The following TENM2 variants were observed in gnomAD, a reference collection of about 807,000 sequenced individuals.
TENM2 encodes the protein teneurin transmembrane protein 2.
TENM2 carries 52 observed loss-of-function variants against 245.2 expected under a neutral mutation model. The ratio of observed to expected loss-of-function variants is 0.21; its 90% CI spans 0.17 to 0.27. TENM2 has a LOEUF of 0.27. Among genes scored for constraint, TENM2 ranks in the 10% least tolerant of loss-of-function variants. The pLI is 1.00. For missense variants in TENM2, 3,046 were observed against 3,666.8 expected (o/e 0.83, Z 4.37); for synonymous variants, 1,363 against 1,438.9 (o/e 0.95, Z 1.19).
intron 6 of TENM2, among the ~76,000 whole-genome samples, chr5:168,053,881 G>C (rs953070205): frequency 2.0e-5 from 3 of 152,158 alleles, no homozygotes; most frequent in African/African-American, 7.2e-5. Flanking sequence ...CCAGTAAAAA[G>C]CTGGGTGACC....
intron 5 of TENM2, among the ~76,000 whole-genome samples, chr5:168,021,505 G>A (rs985866254): frequency 6.6e-6 from 1 of 152,136 alleles, no homozygotes; most frequent in African/African-American, 2.4e-5. Flanking sequence ...TGCGTGTTTG[G>A]AGTTTTTGCT....
chr5:167,828,553 A>G (rs1254926610), intron 2 of TENM2, among the ~76,000 whole-genome samples: 1 of 152,168 alleles, frequency 6.6e-6, no homozygotes, highest in East Asian at 1.9e-4. Context: ...ATCCTGAATA[A>G]ATATTTGTTT....
At chr5:168,052,820 GA>G (rs562295567) in intron 6 of TENM2, among the ~76,000 whole-genome samples, 2,141 of 148,554 alleles carry the variant, frequency 0.014, 40 homozygotes, top group African/African-American at 0.045. Context: ...CCTACCCTTT[GA>G]AAAAAAAAAT....
At chr5:167,351,655 G>A (rs765571070) in intron 1 of TENM2, among the ~76,000 whole-genome samples, 2 of 152,054 alleles carry the variant, frequency 1.3e-5, no homozygotes, top group Non-Finnish European at 1.5e-5. Flanking sequence ...CTTGGACATC[G>A]GAGCTATTTG....
the TENM2 span, among the ~76,000 whole-genome samples, chr5:167,131,766 T>G: frequency 6.6e-6 from 1 of 152,132 alleles, no homozygotes; most frequent in African/African-American, 2.4e-5. Flanking sequence ...AGAAATGCAT[T>G]AGGAGGAGGA....
chr5:167,613,998 T>G (rs1186393301), intron 2 of TENM2, among the ~76,000 whole-genome samples: 1 of 152,182 alleles, frequency 6.6e-6, no homozygotes, highest in Non-Finnish European at 1.5e-5. Flanking sequence ...ATTTTTATAA[T>G]AAATCAGAAT....
At chr5:167,812,514 T>G (rs982534027) in intron 2 of TENM2, among the ~76,000 whole-genome samples, 14 of 152,166 alleles carry the variant, frequency 9.2e-5, no homozygotes. Context: ...ATTTCTTTAA[T>G]TTATTGGTGA....
At chr5:167,805,399 C>T (rs972314273) in intron 2 of TENM2, among the ~76,000 whole-genome samples, 2 of 152,112 alleles carry the variant, frequency 1.3e-5, no homozygotes, top group African/African-American at 2.4e-5. Flanking sequence ...TTTTATGAAG[C>T]TTTCCTGTGA....
intron 2 of TENM2, among the ~76,000 whole-genome samples, chr5:167,557,195 T>C (rs575845258): frequency 5.9e-5 from 9 of 152,348 alleles, no homozygotes; most frequent in Non-Finnish European, 1.0e-4. Context: ...TATGCTTCTT[T>C]GTGAGTTTTT....
the TENM2 span, among the ~76,000 whole-genome samples, chr5:167,022,565 C>T: frequency 4.6e-5 from 7 of 152,184 alleles, no homozygotes; most frequent in African/African-American, 1.7e-4. Flanking sequence ...ACTCAACTCA[C>T]GTGTTATCTT....
At chr5:167,471,369 A>G (rs557440985) in intron 2 of TENM2, among the ~76,000 whole-genome samples, 2 of 152,336 alleles carry the variant, frequency 1.3e-5, no homozygotes, top group South Asian at 4.1e-4. Context: ...AAAGAGGAAT[A>G]ATCTGTAGCA....
At chr5:168,177,858 CAAAAT>C (rs1327782976) in intron 13 of TENM2, among the ~76,000 whole-genome samples, 3 of 152,134 alleles carry the variant, frequency 2.0e-5, no homozygotes, top group Non-Finnish European at 2.9e-5. Context: ...AAGTATAAAA[CAAAAT>C]AAACGAGAAA....
chr5:167,171,081 C>T, the TENM2 span, among the ~76,000 whole-genome samples: 3 of 152,122 alleles, frequency 2.0e-5, no homozygotes, highest in Non-Finnish European at 2.9e-5. Context: ...TGCATCCTGG[C>T]CCATGTCTTT....
At chr5:167,552,685 C>G (rs866661826) in intron 2 of TENM2, among the ~76,000 whole-genome samples, 5 of 152,166 alleles carry the variant, frequency 3.3e-5, no homozygotes, top group African/African-American at 1.2e-4. Flanking sequence ...TCTGCAAAGC[C>G]TGGATCATAG....
chr5:167,843,069 C>T lies in TENM2; in HGVS notation c.503-32917C>T, dbSNP rs554072730. Among the ~76,000 whole-genome samples the T allele has an allele frequency of 1.4e-4, 21 of 152,172 alleles. 1 individual carries two copies. The highest frequency in any genetic ancestry group is 4.6e-4 in the African/African-American group (19 of 41,530). ...AGTACCATGACCCAACTCTAGGGTC[C>T]GTGAAACTCCCACAATTTTGCCTGC... On this transcript the variant is annotated intron_variant, in intron 2 of 28. Coordinates refer to ENST00000518659, the Ensembl canonical transcript of TENM2.
At chr5:167,448,834 T>A (rs970069429) in intron 2 of TENM2, among the ~76,000 whole-genome samples, 7 of 152,120 alleles carry the variant, frequency 4.6e-5, no homozygotes, top group African/African-American at 1.4e-4. Flanking sequence ...GGCTGAAGGA[T>A]GATTAGAAAA....
At chr5:167,321,546 G>A (rs1032761804) in intron 1 of TENM2, among the ~76,000 whole-genome samples, 6 of 151,992 alleles carry the variant, frequency 3.9e-5, no homozygotes, top group African/African-American at 7.2e-5. Context: ...CTTAACTTTG[G>A]TCTCTCAGCC....
At chr5:167,848,184 A>T (rs1447898220) in intron 2 of TENM2, among the ~76,000 whole-genome samples, 1 of 152,156 alleles carries the variant, frequency 6.6e-6, no homozygotes, top group Non-Finnish European at 1.5e-5. Flanking sequence ...AGGTCATGAG[A>T]GCTGAGTGGA....
intron 27 of TENM2, among the ~76,000 whole-genome samples, chr5:168,258,771 G>A (rs1206400139): frequency 2.0e-5 from 3 of 152,190 alleles, no homozygotes; most frequent in Non-Finnish European, 2.9e-5. Context: ...GGGAGGTGAT[G>A]AAAATGTTCT....
Sources: gnomAD v4.1 joint callset for allele counts (sites outside exome capture counted in the v4.1 genomes callset) on GRCh38, gnomAD v4.1.1 for gene constraint, MANE v1.5 for transcripts, NCBI Gene and HGNC (gene_info 2026-07-23, HGNC 2026-07-21) for gene names.